Variants in IQCM observed in about 807,000 individuals in gnomAD.
IQCM encodes the protein IQ domain-containing protein M.
A neutral mutation model predicts 57.6 loss-of-function variants in IQCM; 45 were observed. The observed-to-expected ratio is 0.78, with a 90% CI of 0.62 to 1.00. The LOEUF (loss-of-function observed/expected upper bound fraction) is 1.00. Among genes scored for constraint, IQCM ranks in the 50% least tolerant of loss-of-function variants. The pLI, the probability that IQCM is intolerant of heterozygous loss-of-function variation, is 0.00. For missense variants in IQCM, 468 were observed against 511.6 expected (o/e 0.91, Z 0.82); for synonymous variants, 148 against 158.9 (o/e 0.93, Z 0.51).
chr4:149,690,124 C>G (rs1426092344), intron 5 of IQCM, among the ~76,000 whole-genome samples: 1 of 152,122 alleles, frequency 6.6e-6, no homozygotes, highest in Non-Finnish European at 1.5e-5. Flanking sequence ...ATGTTTATAG[C>G]AGCACAATTC....
chr4:149,432,677 A>G lies in IQCM; in HGVS notation c.1390+719T>C, dbSNP rs573454254. On this transcript the variant is annotated intron_variant, in intron 13 of 13. Transcript: ENST00000636793. ...AAACTTCTGCTCTTCAAAAGATACT[A>G]TTAAAAGACAGAAAGGACAAACTAT... Among the ~76,000 whole-genome samples, 42 of 152,130 alleles carry G rather than the reference A, an allele frequency of 2.8e-4. No homozygotes were observed. The South Asian group carries it at 8.5e-3, about 31-fold the overall frequency.
chr4:149,587,492 G>C (rs1434291627), intron 9 of IQCM, among the ~76,000 whole-genome samples: 1 of 151,686 alleles, frequency 6.6e-6, no homozygotes, highest in African/African-American at 2.4e-5. Context: ...AGTATATAAA[G>C]TAGCAAAGCA....
At position 149,456,476 on chromosome 4, in the gene IQCM, A is replaced by G. The variant is rs541987650; in HGVS notation, c.1229-22919T>C. Among the ~76,000 whole-genome samples the G allele has an allele frequency of 3.6e-4, 55 of 152,256 alleles. 2 individuals are homozygous for G. Among genetic ancestry groups the G allele is most frequent in the African/African-American group, 1.3e-3 (52 of 41,576 alleles). On this transcript the variant is annotated intron_variant, in intron 12 of 13. Coordinates refer to ENST00000636793, the MANE Select transcript of IQCM (RefSeq NM_001363507.2). Reference sequence around the variant, plus strand: ...TTTATGTTTAATACACAATGTATACACATATCCTGAAGGTAATTTTGTACA... The same window carrying G: ...TTTATGTTTAATACACAATGTATACGCATATCCTGAAGGTAATTTTGTACA...
intron 10 of IQCM, among the ~76,000 whole-genome samples, chr4:149,558,751 G>A (rs1466668621): frequency 6.6e-6 from 1 of 152,138 alleles, no homozygotes; most frequent in Non-Finnish European, 1.5e-5. Flanking sequence ...CCAAAATGAG[G>A]TACTTTTATA....
intron 7 of IQCM, among the ~76,000 whole-genome samples, chr4:149,656,024 A>C (rs1759605613): frequency 3.3e-5 from 5 of 152,184 alleles, no homozygotes. Flanking sequence ...AAGGCATGGA[A>C]TCACAAGCCA....
intron 2 of IQCM, among the ~76,000 whole-genome samples, chr4:149,767,261 A>G (rs1326004837): frequency 6.6e-6 from 1 of 152,018 alleles, no homozygotes; most frequent in East Asian, 1.9e-4. Context: ...GAAGATCTTC[A>G]TGAAGACACG....
chr4:149,697,830 G>T (rs1180216680), intron 5 of IQCM, among the ~76,000 whole-genome samples: 2 of 152,092 alleles, frequency 1.3e-5, no homozygotes, highest in Admixed American at 6.6e-5. Context: ...CAAGAAGAAT[G>T]CCTGGCATAT....
At chr4:149,506,203 G>T (rs2149800376) in intron 12 of IQCM, among the ~76,000 whole-genome samples, 1 of 152,282 alleles carries the variant, frequency 6.6e-6, no homozygotes, top group Non-Finnish European at 1.5e-5. Flanking sequence ...GAACATTCAG[G>T]GGTATGTGCA....
At chr4:149,786,480 A>C (rs1011638944) in intron 2 of IQCM, among the ~76,000 whole-genome samples, 4 of 152,238 alleles carry the variant, frequency 2.6e-5, no homozygotes, top group African/African-American at 9.6e-5. Context: ...ACAAATTCAC[A>C]AGAAAAAGAA....
At chr4:149,715,684 A>C (rs559193660) in intron 5 of IQCM, among the ~76,000 whole-genome samples, 263 of 152,288 alleles carry the variant, frequency 1.7e-3, no homozygotes, top group African/African-American at 5.2e-3. Flanking sequence ...AGGTATGTGG[A>C]CAACTGGAGG....
chr4:149,547,272 T>C (rs1748541480), intron 12 of IQCM, among the ~76,000 whole-genome samples: 1 of 152,322 alleles, frequency 6.6e-6, no homozygotes, highest in Admixed American at 6.5e-5. Flanking sequence ...CCAGCTTTGT[T>C]AAAAAGTGGT....
At chr4:149,566,132 T>C (rs746275534) in intron 9 of IQCM, among the ~76,000 whole-genome samples, 2 of 152,154 alleles carry the variant, frequency 1.3e-5, no homozygotes, top group East Asian at 1.9e-4. Context: ...ATTTTACAAA[T>C]GGGCATTGAT....
chr4:149,764,043 C>T (rs1034463078), intron 2 of IQCM, among the ~76,000 whole-genome samples: 4 of 152,022 alleles, frequency 2.6e-5, no homozygotes, highest in Non-Finnish European at 4.4e-5. Flanking sequence ...GAATCAAGTA[C>T]TTGAATCACA....
At position 149,668,396 on chromosome 4, in the gene IQCM, C is replaced by A. The variant is rs537168275; in HGVS notation, c.565+13722G>T. Among the ~76,000 whole-genome samples the A allele has an allele frequency of 1.9e-4, 29 of 152,264 alleles. No homozygotes were observed. The East Asian group carries it at 5.2e-3, about 27-fold the overall frequency. ...AAATGTTGAGAGATTTTGTCACCAC[C>A]AGGCCTGCCTTACAAGAGCTCCTGA... On this transcript the variant is annotated intron_variant, in intron 7 of 13. Coordinates refer to ENST00000636793, the MANE Select transcript of IQCM (RefSeq NM_001363507.2).
chr4:149,462,932 TG>T (rs377035251), intron 12 of IQCM, among the ~76,000 whole-genome samples: 1 of 152,294 alleles, frequency 6.6e-6, no homozygotes, highest in African/African-American at 2.4e-5. Flanking sequence ...AAAATGGATT[TG>T]TAGGAGGAAG....
At chr4:149,428,043 G>A (rs1030917116) in intron 13 of IQCM, among the ~76,000 whole-genome samples, 5 of 151,752 alleles carry the variant, frequency 3.3e-5, no homozygotes, top group Admixed American at 1.3e-4. Flanking sequence ...TTGTATACTC[G>A]AGCAGATATA....
At chr4:149,734,977 T>G (rs749643867) in intron 4 of IQCM, among the ~76,000 whole-genome samples, 2 of 152,322 alleles carry the variant, frequency 1.3e-5, no homozygotes, top group Middle Eastern at 6.8e-3. Flanking sequence ...TGGAATATAA[T>G]GTATCATGCT....
chr4:149,780,619 A>G (rs533067592), intron 2 of IQCM, among the ~76,000 whole-genome samples: 1 of 152,204 alleles, frequency 6.6e-6, no homozygotes, highest in South Asian at 2.1e-4. Context: ...AAAGTAAACA[A>G]GAAAGGCTTA....
chr4:149,354,832 A>G (rs1295248027), intron 13 of IQCM, among the ~76,000 whole-genome samples: 5 of 152,174 alleles, frequency 3.3e-5, no homozygotes, highest in Non-Finnish European at 1.5e-5. Context: ...ATAATATTTC[A>G]TGAATATTAA....
Sources: allele counts gnomAD v4.1 joint callset (sites outside exome capture counted in the v4.1 genomes callset), GRCh38; gene constraint gnomAD v4.1.1; transcripts MANE v1.5; gene names NCBI Gene and HGNC (gene_info 2026-07-23, HGNC 2026-07-21).